Variants in ATF7IP observed in about 807,000 individuals in gnomAD.
ATF7IP encodes the protein activating transcription factor 7-interacting protein 1.
In ATF7IP, 23 loss-of-function variants were observed where a neutral mutation model predicts 106.4. That is an observed-to-expected ratio of 0.22 (90% CI 0.16 to 0.31). The LOEUF (loss-of-function observed/expected upper bound fraction) is 0.31. Among genes scored for constraint, ATF7IP ranks in the 10% least tolerant of loss-of-function variants. ATF7IP has a pLI of 1.00. For synonymous variants in ATF7IP, 542 were observed against 539.0 expected, an observed-to-expected ratio of 1.01 and a Z score of -0.08; for missense variants, 1,334 against 1,524.3, an observed-to-expected ratio of 0.88 and a Z score of 2.08.
rs368092155 is a variant in ATF7IP at position 14,466,631 on chromosome 12, T to C, written c.2862+41T>C. On this transcript the variant is annotated intron_variant, in intron 10 of 14. Coordinates refer to ENST00000261168, the MANE Select transcript of ATF7IP (RefSeq NM_018179.5). ...CTTCTTCAAAGTAAAATCCTAATTATGGTCCACAGGAAAATGAATTTTCAT... is the reference window on the plus strand; with the variant it reads ...CTTCTTCAAAGTAAAATCCTAATTACGGTCCACAGGAAAATGAATTTTCAT... The C allele has an allele frequency of 2.7e-5, 39 of 1,430,452 alleles. No individual in the cohort carries two copies. In the East Asian group the frequency reaches 6.3e-4, roughly 23 times the overall value. The allele number at this position is 1,430,452 out of a possible 1,614,324, so 88.6% of individuals were successfully genotyped here. A position where few individuals can be genotyped will look rare whatever the true frequency, so the allele number is the denominator to read the frequency against.
chr12:14,476,494 A>C (rs926458074), intron 11 of ATF7IP: 1 of 151,792 alleles, frequency 6.6e-6, no homozygotes, highest in Non-Finnish European at 1.5e-5. Flanking sequence ...AGCAATTAAG[A>C]GAATATTGTA....
chr12:14,484,626 A>G (rs115460673), intron 13 of ATF7IP, among the ~76,000 whole-genome samples: 1 of 152,172 alleles, frequency 6.6e-6, no homozygotes, highest in African/African-American at 2.4e-5. Context: ...GTGCAGAACC[A>G]TCTGTGAACC....
chr12:14,405,221 A>C (rs2136477614), intron 1 of ATF7IP, among the ~76,000 whole-genome samples: 1 of 152,202 alleles, frequency 6.6e-6, no homozygotes, highest in South Asian at 2.1e-4. Context: ...TAACTGAAGG[A>C]AGATGTAGAA....
rs1264532636 is a variant in ATF7IP, at chr12:14,424,767, C to A, written c.852C>A (p.Thr284=). 6.2e-7 allele frequency: 1 copy of A among 1,614,018 alleles called. No homozygotes were observed. The highest frequency in any genetic ancestry group is 1.3e-5 in the African/African-American group (1 of 74,896). The change falls in exon 2 of 15, where the codon ACC becomes ACA. Residue 284 remains threonine, a synonymous_variant. Coordinates refer to ENST00000261168, the MANE Select transcript of ATF7IP (RefSeq NM_018179.5). ...CTGATGAGCTGACTTCTGAATCAAC[C>A]TTTGATCGTACCTTTGAACCAAAGT... ...LASDELTSES[T]FDRTFEPKSV... is the part of the protein sequence containing the mutation.
intron 1 of ATF7IP, among the ~76,000 whole-genome samples, chr12:14,391,993 T>C (rs779003391): frequency 6.6e-6 from 1 of 152,232 alleles, no homozygotes; most frequent in Non-Finnish European, 1.5e-5. Context: ...AGTGCTGGGA[T>C]TACAGGTGTG....
intron 6 of ATF7IP, among the ~76,000 whole-genome samples, chr12:14,451,442 C>A (rs983576260): frequency 2.0e-5 from 3 of 151,838 alleles, no homozygotes; most frequent in Non-Finnish European, 4.4e-5. Context: ...TAGTTTTTCC[C>A]CTCTAGTTCT....
chr12:14,449,446 C>T (rs1483178518), intron 6 of ATF7IP, among the ~76,000 whole-genome samples: 1 of 151,934 alleles, frequency 6.6e-6, no homozygotes, highest in Non-Finnish European at 1.5e-5. Context: ...ATCATTTGAC[C>T]GTATATGTGA....
intron 1 of ATF7IP, among the ~76,000 whole-genome samples, chr12:14,417,206 A>G (rs908015929): frequency 6.6e-6 from 1 of 152,174 alleles, no homozygotes; most frequent in African/African-American, 2.4e-5. Context: ...TTGAAAGGAT[A>G]TCTCATATAA....
At chr12:14,380,614 A>G (rs1212036299) in intron 1 of ATF7IP, among the ~76,000 whole-genome samples, 2 of 151,994 alleles carry the variant, frequency 1.3e-5, no homozygotes, top group Non-Finnish European at 2.9e-5. Flanking sequence ...TAGTACTTTC[A>G]GGTTTTGTTT....
chr12:14,488,122 C>T (rs1487736453), intron 13 of ATF7IP, among the ~76,000 whole-genome samples: 1 of 152,000 alleles, frequency 6.6e-6, no homozygotes, highest in Non-Finnish European at 1.5e-5. Context: ...TTCGGTTCTT[C>T]TAGACCCCCA....
intron 1 of ATF7IP, among the ~76,000 whole-genome samples, chr12:14,402,608 ATTT>A (rs57777648): frequency 2.5e-4 from 28 of 112,262 alleles, no homozygotes; most frequent in Admixed American, 2.7e-4. Flanking sequence ...TGCCATTCTG[ATTT>A]TTTTTTTTTT....
chr12:14,442,984 G>A (rs148222822), intron 5 of ATF7IP, among the ~76,000 whole-genome samples: 4 of 152,150 alleles, frequency 2.6e-5, no homozygotes, highest in South Asian at 2.1e-4. Flanking sequence ...GTGAAACCTC[G>A]TCTCTACTAA....
intron 1 of ATF7IP, among the ~76,000 whole-genome samples, chr12:14,398,876 C>G (rs1379368904): frequency 6.6e-6 from 1 of 151,856 alleles, no homozygotes; most frequent in African/African-American, 2.4e-5. Flanking sequence ...TCTGTTTCAA[C>G]CTTTCTATGC....
At chr12:14,371,915 T>A (rs1208470625) in intron 1 of ATF7IP, among the ~76,000 whole-genome samples, 1 of 152,130 alleles carries the variant, frequency 6.6e-6, no homozygotes, top group Non-Finnish European at 1.5e-5. Context: ...AGCTTGAGAA[T>A]AAAGTTCCTG....
intron 1 of ATF7IP, among the ~76,000 whole-genome samples, chr12:14,415,686 T>G (rs1302188644): frequency 2.6e-5 from 2 of 78,244 alleles, no homozygotes; most frequent in African/African-American, 1.0e-4. Flanking sequence ...ATTTCACCAC[T>G]TACTGTTTTT....
At position 14,414,035 on chromosome 12, in the gene ATF7IP, A is replaced by G. The variant is rs558103999; in HGVS notation, c.-7-9874A>G. Among the ~76,000 whole-genome samples the G allele has an allele frequency of 6.6e-3, 1,008 of 152,256 alleles. 6 individuals are homozygous for G. The highest frequency in any genetic ancestry group is 8.9e-3 in the Non-Finnish European group (608 of 68,020). On this transcript the variant is annotated intron_variant, in intron 1 of 14. Coordinates refer to ENST00000261168, the MANE Select transcript of ATF7IP (RefSeq NM_018179.5). ...TCAGTTTTACAGTTGAGGAAACTGA[A>G]CTCCAGAGAGTTAAATTGATTTATT...
rs1323221859 is a variant in ATF7IP at position 14,502,823 on chromosome 12, T to A, written c.*4750T>A. On this transcript the variant is annotated 3_prime_UTR_variant, in exon 15 of 15. Coordinates refer to ENST00000261168, the MANE Select transcript of ATF7IP (RefSeq NM_018179.5). ...GTGTGCGTGCGTGTGTGTGTTTTTCTTTTTTAAATGTATAGTAGAGTGGTG... is the reference window on the plus strand; with the variant it reads ...GTGTGCGTGCGTGTGTGTGTTTTTCATTTTTAAATGTATAGTAGAGTGGTG... 2.0e-5 allele frequency: 3 copies of A among 152,126 alleles called. No homozygotes were observed. Among genetic ancestry groups the A allele is most frequent in the Admixed American group, 2.0e-4 (3 of 15,256 alleles). 9.4% of individuals were successfully genotyped at this position (152,126 alleles called of 1,614,324 possible).
intron 1 of ATF7IP, among the ~76,000 whole-genome samples, chr12:14,407,394 T>C (rs1034255260): frequency 5.3e-5 from 8 of 152,136 alleles, no homozygotes. Context: ...TTCTTATTTA[T>C]TTATCTATTT....
chr12:14,436,009 A>G, intron 3 of ATF7IP, 97 bp from the exon 4 acceptor site: 3 of 1,259,982 alleles, frequency 2.4e-6, no homozygotes, highest in Non-Finnish European at 2.2e-6. Context: ...TGAGAAGGCT[A>G]TTATGATAGA....
Sources: gnomAD v4.1 joint callset for allele counts (sites outside exome capture counted in the v4.1 genomes callset) on GRCh38, gnomAD v4.1.1 for gene constraint, MANE v1.5 for transcripts, NCBI Gene and HGNC (gene_info 2026-07-23, HGNC 2026-07-21) for gene names.